Variants in AGL observed in about 807,000 individuals in gnomAD.
AGL encodes the protein glycogen debranching enzyme.
In AGL, 128 loss-of-function variants were observed where a neutral mutation model predicts 199.3. The ratio of observed to expected loss-of-function variants is 0.64; its 90% CI spans 0.56 to 0.74. The LOEUF is 0.74. Among genes scored for constraint, AGL ranks in the 30% least tolerant of loss-of-function variants. AGL has a pLI of 0.00. For missense variants in AGL, 1,809 were observed against 1,820.8 expected (o/e 0.99, Z 0.12); for synonymous variants, 584 against 594.7 (o/e 0.98, Z 0.26).
intron 24 of AGL, among the ~76,000 whole-genome samples, chr1:99,894,931 CAA>C (rs931833617): frequency 2.1e-4 from 32 of 152,220 alleles, no homozygotes; most frequent in African/African-American, 7.7e-4. Flanking sequence ...AGATAGCAAA[CAA>C]GATAATTTTC....
At chr1:99,916,869 C>A in intron 33 of AGL, 138 bp downstream of exon 33, 2 of 920,240 alleles carry the variant, frequency 2.2e-6, no homozygotes, top group Non-Finnish European at 3.3e-6. Flanking sequence ...TATTCTTTAA[C>A]ATGACAAATT....
intron 21 of AGL, among the ~76,000 whole-genome samples, chr1:99,889,219 AAGT>A (rs1019240637): frequency 1.3e-5 from 2 of 152,186 alleles, no homozygotes; most frequent in African/African-American, 2.4e-5. Context: ...AAACCACACT[AAGT>A]AGGCTGCACA....
intron 2 of AGL, chr1:99,861,276 G>A: frequency 7.2e-7 from 1 of 1,385,706 alleles, no homozygotes; most frequent in Non-Finnish European, 9.3e-7. Flanking sequence ...GAAGGAGAAA[G>A]AGACATTACA....
chr1:99,883,681 A>C (rs1304092355), intron 17 of AGL, among the ~76,000 whole-genome samples: 1 of 152,198 alleles, frequency 6.6e-6, no homozygotes, highest in Non-Finnish European at 1.5e-5. Context: ...GGTAGTGAGC[A>C]CCAAACTGAA....
chr1:99,901,938 G>A (rs1191758896), intron 26 of AGL, among the ~76,000 whole-genome samples: 1 of 151,894 alleles, frequency 6.6e-6, no homozygotes, highest in Non-Finnish European at 1.5e-5. Context: ...ATGCTATCAG[G>A]CAGGTAATTA....
chr1:99,901,457 C>T (rs1442559918), intron 26 of AGL, among the ~76,000 whole-genome samples: 1 of 148,074 alleles, frequency 6.8e-6, no homozygotes, highest in Non-Finnish European at 1.5e-5. Flanking sequence ...GTTTAGGGGA[C>T]ATAGTACTTA....
In AGL at chr1:99,884,198, T is replaced by C; in HGVS notation, c.2387T>C (p.Ile796Thr). 1 of 1,613,226 alleles carries C rather than the reference T, an allele frequency of 6.2e-7. No homozygotes were observed. The highest frequency in any genetic ancestry group is 8.5e-7 in the Non-Finnish European group (1 of 1,179,374). Residue 796 changes from isoleucine to threonine, a missense_variant, in exon 18 of 34, where the codon ATC (isoleucine) becomes ACC (threonine). By Grantham distance (89) the Ile-to-Thr change is moderately conservative. Transcript: ENST00000361915. ...TKPYRKDENS[I>T]NGTPDITVEI... The stretch of plus-strand genomic sequence containing the variant: ...CCTTATAGGAAGGATGAGAATTCAA[T>C]CAATGGAACACCAGATATCACAGTA...
intron 7 of AGL, among the ~76,000 whole-genome samples, chr1:99,871,589 C>G (rs1350288849): frequency 6.6e-6 from 1 of 152,136 alleles, no homozygotes; most frequent in Non-Finnish European, 1.5e-5. Flanking sequence ...GAAAACAGAA[C>G]TAGAGTAGGA....
At position 99,916,688 on chromosome 1, in the gene AGL, T is replaced by G; in HGVS notation, c.4438T>G (p.Leu1480Val). The change falls in exon 33 of 34, where the codon TTG (leucine) becomes GTG (valine). Residue 1480 changes from leucine (L) to valine (V), a missense_variant. Physicochemically the swap from Leu to Val is conservative, Grantham distance 32. Coordinates refer to ENST00000361915, the MANE Select transcript of AGL (RefSeq NM_000642.3). Reference protein sequence around the residue: ...GPETTAKTIVLVKNVLSRHYV... With the variant: ...GPETTAKTIVVVKNVLSRHYV... ...GGAGACTACTGCAAAGACTATAGTT[T>G]TGGTTAAAAATGTTCTTTCCCGACA... 5 of 1,613,468 alleles carry G rather than the reference T, an allele frequency of 3.1e-6. No individual in the cohort carries two copies. Among genetic ancestry groups the G allele is most frequent in the African/African-American group, 1.3e-5 (1 of 75,012 alleles).
intron 25 of AGL, among the ~76,000 whole-genome samples, chr1:99,899,504 TTTTC>T (rs1156850811): frequency 3.6e-5 from 5 of 137,540 alleles, no homozygotes; most frequent in African/African-American, 1.4e-4. Flanking sequence ...TACCAGTTTG[TTTTC>T]TTTCTCTCTC....
At position 99,916,457 on chromosome 1, in the gene AGL, A is replaced by G. The variant is rs772392293; in HGVS notation, c.4307A>G (p.Asn1436Ser). The G allele has an allele frequency of 5.0e-6, 8 of 1,612,708 alleles. No homozygotes were observed. In the African/African-American group the frequency reaches 5.3e-5, roughly 11 times the overall value. The change falls in exon 32 of 34, where the codon AAC becomes AGC. Residue 1436 changes from asparagine to serine, a missense_variant. Coordinates refer to ENST00000361915, the MANE Select transcript of AGL (RefSeq NM_000642.3). Reference sequence around the variant, plus strand: ...TATGACAATGCATTAGACAATGACAACTACAATCTTGCTAAAGGTTTCAAT... The same window carrying G: ...TATGACAATGCATTAGACAATGACAGCTACAATCTTGCTAAAGGTTTCAAT... ...GIYDNALDND[N>S]YNLAKGFNYH...
chr1:99,857,836 G>GGGGGAGGGGGGAGAGGGAGACCGTGGGGA (rs1429543240), intron 2 of AGL, among the ~76,000 whole-genome samples: 1 of 133,926 alleles, frequency 7.5e-6, no homozygotes, highest in Non-Finnish European at 1.6e-5. Flanking sequence ...ACCGTGGGGA[G>GGGGGAGGGGGGAGAGGGAGACCGTGGGGA]GGGGAGGGGG....
chr1:99,899,684 A>C (rs924239983), intron 25 of AGL, among the ~76,000 whole-genome samples: 2 of 150,744 alleles, frequency 1.3e-5, no homozygotes, highest in African/African-American at 4.9e-5. Context: ...GCCGTGGCGC[A>C]ATCTCCGCTC....
intron 33 of AGL, 129 bp from the exon 34 acceptor site, chr1:99,921,405 G>GT (rs1655501677): frequency 8.2e-6 from 6 of 731,538 alleles, no homozygotes; most frequent in Non-Finnish European, 1.5e-5. Context: ...TTAGGATATT[G>GT]TTTTATTTTG....
chr1:99,861,309 TAC>T (rs1650011825), intron 2 of AGL, 192 bp from the exon 3 acceptor site: 1 of 1,454,408 alleles, frequency 6.9e-7, no homozygotes, highest in African/African-American at 1.4e-5. Context: ...CTATGATGTT[TAC>T]TATACTTGCT....
At chr1:99,880,900 T>TA in intron 14 of AGL, 105 bp downstream of exon 14, 1 of 1,394,374 alleles carries the variant, frequency 7.2e-7, no homozygotes, top group South Asian at 1.2e-5. Flanking sequence ...AATAGTGTCT[T>TA]AGATTTATAA....
rs527974417 is a variant in AGL at position 99,898,836 on chromosome 1, G to A, written c.3363-1800G>A. ...ATTGGTTGTGAATTGTAGGAAATTCGTTTTAGTGGACATATACCTCTACCA... is the reference window on the plus strand; with the variant it reads ...ATTGGTTGTGAATTGTAGGAAATTCATTTTAGTGGACATATACCTCTACCA... On this transcript the variant is annotated intron_variant, in intron 25 of 33. Transcript: ENST00000361915. Among the ~76,000 whole-genome samples the A allele has an allele frequency of 1.4e-3, 215 of 152,236 alleles. 2 individuals are homozygous for A. Among genetic ancestry groups the A allele is most frequent in the Non-Finnish European group, 1.3e-3 (89 of 68,014 alleles).
At position 99,891,708 on chromosome 1, in the gene AGL, C is replaced by A; in HGVS notation, c.3052C>A (p.Leu1018Ile). The change falls in exon 23 of 34, where the codon CTT becomes ATT. Residue 1018 changes from leucine (L) to isoleucine (I), a missense_variant. Leu to Ile is a conservative substitution (Grantham distance 5). Transcript: ENST00000361915. ...DAILIGAYTT[L>I]LDTAWKQMSS... is the part of the protein sequence containing the mutation. The stretch of plus-strand genomic sequence containing the variant: ...TATATTAATTGGTGCATATACCACT[C>A]TTCTGGATACAGCATGGAAGCAGAT... The A allele has an allele frequency of 6.2e-7, 1 of 1,613,574 alleles. No individual in the cohort carries two copies. Among genetic ancestry groups the A allele is most frequent in the Non-Finnish European group, 8.5e-7 (1 of 1,179,618 alleles).
At chr1:99,869,554 T>C (rs1458557228) in intron 5 of AGL, among the ~76,000 whole-genome samples, 1 of 152,244 alleles carries the variant, frequency 6.6e-6, no homozygotes, top group African/African-American at 2.4e-5. Context: ...TACTTAACTC[T>C]CTGTGCTTCA....
Sources: allele counts gnomAD v4.1 joint callset (sites outside exome capture counted in the v4.1 genomes callset), GRCh38; gene constraint gnomAD v4.1.1; transcripts MANE v1.5; gene names NCBI Gene and HGNC (gene_info 2026-07-23, HGNC 2026-07-21).